Variants in PARD3 observed in about 807,000 individuals in gnomAD.
PARD3 encodes the protein par-3 family cell polarity regulator.
A neutral mutation model predicts 155.4 loss-of-function variants in PARD3; 75 were observed. The observed-to-expected ratio is 0.48, with a 90% CI of 0.40 to 0.58. The LOEUF is 0.58. Among genes scored for constraint, PARD3 ranks in the 20% least tolerant of loss-of-function variants. The pLI, the probability that PARD3 is intolerant of heterozygous loss-of-function variation, is 0.00. For synonymous variants in PARD3, 576 were observed against 610.5 expected (o/e 0.94, Z 0.83); for missense variants, 1,642 against 1,721.7 (o/e 0.95, Z 0.82).
chr10:34,606,638 C>CAAAAAA lies in PARD3; in HGVS notation c.223-89485_223-89480dup, dbSNP rs398013195. Among the ~76,000 whole-genome samples the CAAAAAA allele has an allele frequency of 1.3e-3, 100 of 79,636 alleles. 2 individuals are homozygous for CAAAAAA. The highest frequency in any genetic ancestry group is 4.7e-3 in the African/African-American group (99 of 20,846). The allele number at this position is 79,636 out of a possible 152,430, so 52.2% of individuals were successfully genotyped here. The stretch of plus-strand genomic sequence containing the variant: ...CAACATAGTGAGACCCCCGTGTCTT[C>CAAAAAA]AAAAAAAAAAAAAAAAAAAAAAAAG... On this transcript the variant is annotated intron_variant, in intron 2 of 24. Transcript: ENST00000374788.
chr10:34,785,124 T>C (rs1840788409), intron 1 of PARD3, among the ~76,000 whole-genome samples: 1 of 152,256 alleles, frequency 6.6e-6, no homozygotes, highest in African/African-American at 2.4e-5. Context: ...CTAAGGACGA[T>C]TACAGGGAAA....
chr10:34,698,513 C>A (rs1200532622), intron 1 of PARD3, among the ~76,000 whole-genome samples: 4 of 152,172 alleles, frequency 2.6e-5, no homozygotes, highest in Admixed American at 2.6e-4. Context: ...CATCACACCC[C>A]CAAAGCAGAT....
chr10:34,344,494 C>T (rs773639051), intron 15 of PARD3: 66 of 688,592 alleles, frequency 9.6e-5, no homozygotes, highest in Non-Finnish European at 1.2e-4. Context: ...GTTGGCCAGG[C>T]TGGTCTTAAA....
chr10:34,260,869 A>G (rs1954921212), intron 22 of PARD3, among the ~76,000 whole-genome samples: 2 of 152,210 alleles, frequency 1.3e-5, no homozygotes. Flanking sequence ...ATCTAAGAAA[A>G]TTAGTTTTGT....
At chr10:34,745,121 G>A (rs896179135) in intron 1 of PARD3, among the ~76,000 whole-genome samples, 2 of 152,180 alleles carry the variant, frequency 1.3e-5, no homozygotes, top group Non-Finnish European at 2.9e-5. Flanking sequence ...CAGTGCTTTG[G>A]GAGGCCAAGG....
At chr10:34,709,208 G>A (rs1238199999) in intron 1 of PARD3, among the ~76,000 whole-genome samples, 1 of 152,080 alleles carries the variant, frequency 6.6e-6, no homozygotes, top group East Asian at 1.9e-4. Context: ...TTTCAAATAT[G>A]CCTTATACAC....
chr10:34,416,305 A>G (rs1845670248), intron 5 of PARD3, among the ~76,000 whole-genome samples: 1 of 152,194 alleles, frequency 6.6e-6, no homozygotes, highest in Non-Finnish European at 1.5e-5. Flanking sequence ...TGCTTTGAGC[A>G]GACATAACTA....
At chr10:34,350,394 C>T (rs1293198307) in intron 14 of PARD3, among the ~76,000 whole-genome samples, 3 of 152,148 alleles carry the variant, frequency 2.0e-5, no homozygotes, top group Non-Finnish European at 4.4e-5. Flanking sequence ...CCTGTAATCC[C>T]AGCACTTTGG....
At chr10:34,121,633 T>C (rs1166199115) in intron 23 of PARD3, among the ~76,000 whole-genome samples, 1 of 152,202 alleles carries the variant, frequency 6.6e-6, no homozygotes, top group African/African-American at 2.4e-5. Context: ...CATCATCTAT[T>C]GTTCTCTTTC....
chr10:34,510,112 A>C (rs1438725328), intron 3 of PARD3, among the ~76,000 whole-genome samples: 1 of 152,230 alleles, frequency 6.6e-6, no homozygotes, highest in Non-Finnish European at 1.5e-5. Flanking sequence ...TGATGTAACA[A>C]AACTCCATTT....
chr10:34,662,493 G>A (rs1194142414), intron 2 of PARD3, among the ~76,000 whole-genome samples: 1 of 152,096 alleles, frequency 6.6e-6, no homozygotes, highest in Admixed American at 6.6e-5. Flanking sequence ...GCCAAGATTT[G>A]GAAGCAAACT....
intron 22 of PARD3, among the ~76,000 whole-genome samples, chr10:34,245,780 G>A (rs976758212): frequency 3.5e-4 from 54 of 152,270 alleles, no homozygotes; most frequent in African/African-American, 1.2e-3. Context: ...TGGCAGCCAC[G>A]GTCTGGATAA....
chr10:34,708,788 G>C (rs1239554810), intron 1 of PARD3, among the ~76,000 whole-genome samples: 2 of 152,072 alleles, frequency 1.3e-5, no homozygotes, highest in Non-Finnish European at 2.9e-5. Flanking sequence ...AGTGGTGTTT[G>C]GGTCCTTGCT....
intron 2 of PARD3, among the ~76,000 whole-genome samples, chr10:34,538,491 T>C (rs1452863964): frequency 6.6e-6 from 1 of 152,176 alleles, no homozygotes; most frequent in East Asian, 1.9e-4. Context: ...AAAATAAGCT[T>C]TGCCAAGACA....
intron 6 of PARD3, among the ~76,000 whole-genome samples, 192 bp from the exon 7 acceptor site, chr10:34,399,605 C>T (rs1843684633): frequency 6.6e-6 from 1 of 152,136 alleles, no homozygotes; most frequent in Non-Finnish European, 1.5e-5. Flanking sequence ...ATGAAGGCAA[C>T]ATTAAACACT....
At position 34,617,002 on chromosome 10, in the gene PARD3, T is replaced by A. The variant is rs116337585; in HGVS notation, c.222+79316A>T. 8.2e-3 allele frequency among the ~76,000 whole-genome samples: 1,228 copies of A among 150,476 alleles called. 16 individuals carry two copies. Among genetic ancestry groups the A allele is most frequent in the African/African-American group, 0.029 (1,167 of 40,796 alleles). On this transcript the variant is annotated intron_variant, in intron 2 of 24. Transcript: ENST00000374788. ...CGGGGGCGGTGGCTCACACATGTAA[T>A]CGTAGCACTTTAGGAGGCCAAGGCG... is the stretch of plus-strand genomic sequence containing the variant.
At chr10:34,702,709 C>T (rs375352762) in intron 1 of PARD3, among the ~76,000 whole-genome samples, 1 of 152,202 alleles carries the variant, frequency 6.6e-6, no homozygotes, top group African/African-American at 2.4e-5. Flanking sequence ...TTTCCCTGGG[C>T]CTCTATCCAT....
At chr10:34,395,525 T>A (rs529269110) in intron 7 of PARD3, among the ~76,000 whole-genome samples, 3 of 151,994 alleles carry the variant, frequency 2.0e-5, no homozygotes, top group African/African-American at 4.8e-5. Context: ...GAATAACATA[T>A]ACAAGGAAAT....
intron 20 of PARD3, among the ~76,000 whole-genome samples, chr10:34,300,241 T>C (rs1416356184): frequency 6.6e-6 from 1 of 152,170 alleles, no homozygotes; most frequent in Non-Finnish European, 1.5e-5. Context: ...TCACGAATCT[T>C]GGAAAAAACA....
Sources: allele counts gnomAD v4.1 joint callset (sites outside exome capture counted in the v4.1 genomes callset), GRCh38; gene constraint gnomAD v4.1.1; transcripts MANE v1.5; gene names NCBI Gene and HGNC (gene_info 2026-07-23, HGNC 2026-07-21).